The following CDH4 variants were observed in gnomAD, a reference collection of about 807,000 sequenced individuals.
CDH4 encodes the protein cadherin-4.
In CDH4, 33 loss-of-function variants were observed where a neutral mutation model predicts 86.0. The ratio of observed to expected loss-of-function variants is 0.38; its 90% CI spans 0.29 to 0.51. The LOEUF (loss-of-function observed/expected upper bound fraction) is 0.51, where lower values mean the gene tolerates loss of function less well. Among genes scored for constraint, CDH4 ranks in the 20% least tolerant of loss-of-function variants. CDH4 has a pLI of 0.86. For synonymous variants in CDH4, 555 were observed against 549.4 expected, an observed-to-expected ratio of 1.01 and a Z score of -0.14; for missense variants, 1,114 against 1,307.4, an observed-to-expected ratio of 0.85 and a Z score of 2.28.
chr20:61,626,830 A>G (rs1316626119), intron 2 of CDH4, among the ~76,000 whole-genome samples: 2 of 152,200 alleles, frequency 1.3e-5, no homozygotes, highest in East Asian at 3.9e-4. Flanking sequence ...ATTGCGCTCG[A>G]AGGGTCAGAA....
At chr20:61,331,098 G>A (rs2084570093) in intron 2 of CDH4, among the ~76,000 whole-genome samples, 1 of 152,088 alleles carries the variant, frequency 6.6e-6, no homozygotes, top group East Asian at 1.9e-4. Context: ...CACCCCACGT[G>A]TGGGAGGATC....
chr20:61,706,832 A>T (rs1216132014), intron 2 of CDH4, among the ~76,000 whole-genome samples: 6 of 152,220 alleles, frequency 3.9e-5, no homozygotes, highest in Non-Finnish European at 7.3e-5. Flanking sequence ...GACCGTCAGC[A>T]TCCGACCTCC....
At chr20:61,353,224 T>G (rs1432346446) in intron 2 of CDH4, among the ~76,000 whole-genome samples, 1 of 152,094 alleles carries the variant, frequency 6.6e-6, no homozygotes, top group Non-Finnish European at 1.5e-5. Flanking sequence ...AGGCAAAGCT[T>G]AGTTGGTGGG....
At chr20:61,736,695 C>T (rs1360260122) in intron 2 of CDH4, among the ~76,000 whole-genome samples, 1 of 151,984 alleles carries the variant, frequency 6.6e-6, no homozygotes, top group Non-Finnish European at 1.5e-5. Flanking sequence ...AGCTGCCCTT[C>T]TTCAGCTGTG....
intron 4 of CDH4, among the ~76,000 whole-genome samples, chr20:61,839,877 G>A (rs1414922654): frequency 6.6e-6 from 1 of 151,544 alleles, no homozygotes; most frequent in Non-Finnish European, 1.5e-5. Context: ...TTGTGTGCTT[G>A]TGTGGTGTGT....
At chr20:61,873,161 C>T (rs1202778810) in intron 6 of CDH4, among the ~76,000 whole-genome samples, 1 of 152,214 alleles carries the variant, frequency 6.6e-6, no homozygotes, top group South Asian at 2.1e-4. Flanking sequence ...AGGGCGCCCC[C>T]AGATGTGCTC....
At chr20:61,451,886 C>G (rs2085382904) in intron 2 of CDH4, among the ~76,000 whole-genome samples, 1 of 152,216 alleles carries the variant, frequency 6.6e-6, no homozygotes, top group Non-Finnish European at 1.5e-5. Flanking sequence ...TCTTCTCATG[C>G]CTAGGCACTT....
chr20:61,701,888 A>G (rs1477727438), intron 2 of CDH4, among the ~76,000 whole-genome samples: 1 of 152,196 alleles, frequency 6.6e-6, no homozygotes, highest in Non-Finnish European at 1.5e-5. Flanking sequence ...GAGTGGGACA[A>G]GTTTGACCTT....
intron 2 of CDH4, among the ~76,000 whole-genome samples, chr20:61,266,411 G>A (rs2123130272): frequency 6.6e-6 from 1 of 152,118 alleles, no homozygotes; most frequent in Admixed American, 6.5e-5. Context: ...TTGGGTTTCT[G>A]TGTCTGTATT....
At chr20:61,320,800 C>T (rs1314797155) in intron 2 of CDH4, among the ~76,000 whole-genome samples, 3 of 151,816 alleles carry the variant, frequency 2.0e-5, no homozygotes, top group East Asian at 3.9e-4. Flanking sequence ...AAGGGAGCAG[C>T]GTGCGCAGAG....
chr20:61,796,519 C>T (rs1223688579), intron 4 of CDH4, among the ~76,000 whole-genome samples: 1 of 152,234 alleles, frequency 6.6e-6, no homozygotes, highest in Non-Finnish European at 1.5e-5. Context: ...TAGATGAGGT[C>T]CTGCTTGCCA....
At chr20:61,596,219 GC>G (rs1205708229) in intron 2 of CDH4, among the ~76,000 whole-genome samples, 1 of 152,136 alleles carries the variant, frequency 6.6e-6, no homozygotes, top group Admixed American at 6.6e-5. Context: ...ATGACTTCCC[GC>G]CCCCTGAAAA....
intron 2 of CDH4, among the ~76,000 whole-genome samples, chr20:61,438,383 C>A (rs964936838): frequency 3.3e-5 from 5 of 152,170 alleles, no homozygotes; most frequent in African/African-American, 9.7e-5. Context: ...CTGGGGAAAT[C>A]TTTCTGTGAG....
intron 2 of CDH4, among the ~76,000 whole-genome samples, chr20:61,565,092 T>TGGTGGTGGTGGTGGTGGTGG (rs747308048): frequency 1.1e-4 from 7 of 63,848 alleles, no homozygotes; most frequent in Admixed American, 1.5e-4. Context: ...GGTGGTGCTC[T>TGGTGGTGGTGGTGGTGGTGG]TGGTGGTGCT....
At chr20:61,809,052 G>T (rs996898061) in intron 4 of CDH4, among the ~76,000 whole-genome samples, 1 of 152,204 alleles carries the variant, frequency 6.6e-6, no homozygotes, top group Non-Finnish European at 1.5e-5. Flanking sequence ...AGCCACAGAC[G>T]CCTGGCACCT....
Position 61,252,686 on chromosome 20 carries a change from G to A in CDH4, c.57+116G>A, listed in dbSNP as rs2084069444. ...GGGCTCTCCCGGGCTCCCCCGCCGC[G>A]CTCCCCGCTGCATCCAGCCCGGCGC... On this transcript the variant is annotated intron_variant, in intron 1 of 15. Transcript: ENST00000614565. This position sits in a 1 kb window ranked among gnomAD's most constrained non-coding sequence, Gnocchi z 4.4. 3.9e-6 allele frequency: 2 copies of A among 508,530 alleles called. No individual in the cohort carries two copies. The highest frequency in any genetic ancestry group is 5.6e-6 in the Non-Finnish European group (2 of 355,614). The allele number at this position is 508,530 out of a possible 1,614,324, so 31.5% of individuals were successfully genotyped here.
At chr20:61,657,063 G>A (rs1020301900) in intron 2 of CDH4, among the ~76,000 whole-genome samples, 6 of 152,322 alleles carry the variant, frequency 3.9e-5, no homozygotes, top group Admixed American at 2.6e-4. Flanking sequence ...CAGAGCAGAC[G>A]CCTGGCAATA....
chr20:61,400,011 AT>A (rs960408628), intron 2 of CDH4, among the ~76,000 whole-genome samples: 8 of 152,060 alleles, frequency 5.3e-5, no homozygotes, highest in Non-Finnish European at 1.2e-4. Flanking sequence ...CCCTCCTGTC[AT>A]TTTTCAAACC....
chr20:61,505,988 A>G (rs189346037), intron 2 of CDH4, among the ~76,000 whole-genome samples: 2 of 152,380 alleles, frequency 1.3e-5, no homozygotes, highest in Admixed American at 1.3e-4. Flanking sequence ...GTACGAAAAC[A>G]TGGTGGCTGA....
Sources: gnomAD v4.1 joint callset for allele counts (sites outside exome capture counted in the v4.1 genomes callset) on GRCh38, gnomAD v4.1.1 for gene constraint, Gnocchi (gnomAD v3.1) non-coding constraint, MANE v1.5 for transcripts, NCBI Gene and HGNC (gene_info 2026-07-23, HGNC 2026-07-21) for gene names.